RAVER1: variants seen among roughly 807,000 people sequenced by gnomAD.
RAVER1 encodes the protein ribonucleoprotein PTB-binding 1.
RAVER1 carries 36 observed loss-of-function variants against 68.4 expected under a neutral mutation model. That is an observed-to-expected ratio of 0.53 (90% CI 0.40 to 0.70). RAVER1 has a LOEUF of 0.70. Among genes scored for constraint, RAVER1 ranks in the 30% least tolerant of loss-of-function variants. RAVER1 has a pLI of 0.00. For synonymous variants in RAVER1, 469 were observed against 472.7 expected (o/e 0.99, Z 0.10); for missense variants, 933 against 1,019.8 (o/e 0.91, Z 1.16).
chr19:10,333,193 A>AC lies in RAVER1; in HGVS notation c.219+95dup, dbSNP rs1171605373. ...CGGTGCTTGGGCGCCCCCGCCAACG[A>AC]CCCCCGCGCACCTCAGCGTTGGTGT... On this transcript the variant is annotated intron_variant, in intron 1 of 12. Transcript: ENST00000617231. The surrounding 1 kb of genome is among the most constrained non-coding windows in gnomAD (Gnocchi z 4.2). 1 of 1,229,108 alleles carries AC rather than the reference A, an allele frequency of 8.1e-7. No homozygotes were observed. Among genetic ancestry groups the AC allele is most frequent in the Non-Finnish European group, 1.1e-6 (1 of 904,312 alleles). The allele number at this position is 1,229,108 out of a possible 1,614,324, so 76.1% of individuals were successfully genotyped here. A position where few individuals can be genotyped will look rare whatever the true frequency, so the allele number is the denominator to read the frequency against.
rs926928893 is a variant in RAVER1, at chr19:10,329,270, G to A, written c.287-159C>T. ...GCCTTGGCGACTCACACAGGCGAGA[G>A]CGCCTGCCATTGACTCTAGGCTCCA... On this transcript the variant is annotated intron_variant, in intron 2 of 12. Coordinates refer to ENST00000617231, the MANE Select transcript of RAVER1 (RefSeq NM_133452.3). The surrounding 1 kb of genome is among the most constrained non-coding windows in gnomAD (Gnocchi z 4.6). Among the ~76,000 whole-genome samples, 3 of 152,226 alleles carry A rather than the reference G, an allele frequency of 2.0e-5. No individual in the cohort carries two copies. Among genetic ancestry groups the A allele is most frequent in the Non-Finnish European group, 4.4e-5 (3 of 68,034 alleles).
Position 10,319,239 on chromosome 19 carries a change from T to C in RAVER1, c.1772A>G (p.Asp591Gly). Residue 591 changes from aspartate to glycine, a missense_variant and splice_region_variant, in exon 10 of 13, where the codon GAC becomes GGC. This residue lies in a region of RAVER1 where 699 missense variants were observed against 731.1 expected (regional missense o/e 0.96). Coordinates refer to ENST00000617231, the MANE Select transcript of RAVER1 (RefSeq NM_133452.3). Reference protein sequence around the residue: ...SDSYSFDYPSDMGPRRLFSHP... With the variant: ...SDSYSFDYPSGMGPRRLFSHP... ...GGAGAAGAGCCGCCGAGGTCCCATG[T>C]CCTGAATGAAAGCGGGAGAAGCACA... is the stretch of plus-strand genomic sequence containing the variant. The C allele has an allele frequency of 6.2e-7, 1 of 1,613,568 alleles. No homozygotes were observed. The highest frequency in any genetic ancestry group is 8.5e-7 in the Non-Finnish European group (1 of 1,179,562).
rs1057507164 is a variant in RAVER1 at position 10,328,193 on chromosome 19, C to G, written c.756+449G>C. On this transcript the variant is annotated intron_variant, in intron 3 of 12. Coordinates refer to ENST00000617231, the MANE Select transcript of RAVER1 (RefSeq NM_133452.3). This position sits in a 1 kb window ranked among gnomAD's most constrained non-coding sequence, Gnocchi z 4.4. ...AATGAGGAGGTGAGTGGTGAGCAAG[C>G]CTCGAGATCCATAGTTACAAGAGTG... 2.0e-5 allele frequency among the ~76,000 whole-genome samples: 3 copies of G among 152,086 alleles called. No homozygotes were observed. The highest frequency in any genetic ancestry group is 2.9e-5 in the Non-Finnish European group (2 of 68,010).
intron 1 of RAVER1, among the ~76,000 whole-genome samples, chr19:10,332,446 C>T (rs2040528261): frequency 6.6e-6 from 1 of 152,190 alleles, no homozygotes; most frequent in African/African-American, 2.4e-5. Context: ...CTTAATGATC[C>T]CTGTCCCGAT....
chr19:10,317,698 G>C lies in RAVER1; in HGVS notation c.2065C>G (p.Leu689Val), dbSNP rs1216282810. ...LSPGPNGHSH[L>V]LKTPLGGQKR... ...CCACCCCCTGCCCGTACCTTCAGCA[G>C]GTGGCTGTGACCATTAGGCCCGGGG... The change falls in exon 12 of 13, where the codon CTG becomes GTG. Residue 689 changes from leucine (L) to valine (V), a missense_variant. This residue lies in a region of RAVER1 where 699 missense variants were observed against 731.1 expected (regional missense o/e 0.96). Coordinates refer to ENST00000617231, the MANE Select transcript of RAVER1 (RefSeq NM_133452.3). The surrounding 1 kb of genome is among the most constrained non-coding windows in gnomAD (Gnocchi z 4.3). The C allele has an allele frequency of 6.3e-7, 1 of 1,588,026 alleles. No individual in the cohort carries two copies. The highest frequency in any genetic ancestry group is 1.7e-5 in the Admixed American group (1 of 57,152).
At chr19:10,327,981 C>G (rs1237010013) in intron 3 of RAVER1, among the ~76,000 whole-genome samples, 2 of 151,018 alleles carry the variant, frequency 1.3e-5, no homozygotes. Context: ...TGAGTCCCTG[C>G]TTATGGAGGA....
At chr19:10,324,108 C>G (rs796090764) in intron 3 of RAVER1, among the ~76,000 whole-genome samples, 2 of 150,268 alleles carry the variant, frequency 1.3e-5, no homozygotes, top group African/African-American at 2.4e-5. Flanking sequence ...GGGCCGAGAT[C>G]GCGCCACTGC....
chr19:10,316,395 T>A lies in RAVER1; in HGVS notation c.*1059A>T, dbSNP rs969404676. ...GTCACCTCAGGTCGACAGGTCCTGC[T>A]GGTGGGCGGGCCCAGAGTTTATCTT... On this transcript the variant is annotated 3_prime_UTR_variant, in exon 13 of 13. Transcript: ENST00000617231. 9.6e-6 allele frequency: 10 copies of A among 1,043,726 alleles called. No individual in the cohort carries two copies. The East Asian group carries it at 1.0e-3, about 105-fold the overall frequency. The allele number at this position is 1,043,726 out of a possible 1,614,324, so 64.7% of individuals were successfully genotyped here.
chr19:10,319,067 C>T, intron 10 of RAVER1, 99 bp downstream of exon 10: 1 of 1,161,692 alleles, frequency 8.6e-7, no homozygotes, highest in Non-Finnish European at 1.2e-6. Flanking sequence ...AAAGAACACA[C>T]AAAATACAAG....
chr19:10,322,586 G>A lies in RAVER1; in HGVS notation c.1173+59C>T, dbSNP rs558162402. 1.1e-5 allele frequency: 13 copies of A among 1,227,382 alleles called. No homozygotes were observed. The highest frequency in any genetic ancestry group is 1.5e-5 in the Non-Finnish European group (13 of 892,026). The allele number at this position is 1,227,382 out of a possible 1,614,324, so 76.0% of individuals were successfully genotyped here. On this transcript the variant is annotated intron_variant, in intron 6 of 12. Coordinates refer to ENST00000617231, the MANE Select transcript of RAVER1 (RefSeq NM_133452.3). The surrounding 1 kb of genome is among the most constrained non-coding windows in gnomAD (Gnocchi z 4.3). ...CCCCACCCCACCGATCGCACCAGCTGTGTTGAAAAGAGCCTGTAGGGGCTG... is the reference window on the plus strand; with the variant it reads ...CCCCACCCCACCGATCGCACCAGCTATGTTGAAAAGAGCCTGTAGGGGCTG...
rs879324791 is a variant in RAVER1, at chr19:10,322,109, ATATGTGTGTCTGTGTC to A, written c.1174-507_1174-492del. ...GTGTGCATGAGTCTGTCTTGTGTCT[ATATGTGTGTCTGTGTC>A]TATGTGTGTGTCTTTGTCTTATGTC... On this transcript the variant is annotated intron_variant, in intron 6 of 12. Transcript: ENST00000617231. This position sits in a 1 kb window ranked among gnomAD's most constrained non-coding sequence, Gnocchi z 4.3. 30 of 162,516 alleles carry A rather than the reference ATATGTGTGTCTGTGTC, an allele frequency of 1.8e-4. 1 individual carries two copies. The highest frequency in any genetic ancestry group is 3.2e-4 in the Non-Finnish European group (24 of 75,666). 10.1% of individuals were successfully genotyped at this position (162,516 alleles called of 1,614,324 possible).
intron 7 of RAVER1, 35 bp from the exon 8 acceptor site, chr19:10,321,294 TCA>T: frequency 9.1e-7 from 1 of 1,098,208 alleles, no homozygotes. Flanking sequence ...GGGCCCAGGC[TCA>T]CAGGACCCCT....
rs1232584103 is a variant in RAVER1 at position 10,329,260 on chromosome 19, A to C, written c.287-149T>G. 3 of 594,400 alleles carry C rather than the reference A, an allele frequency of 5.0e-6. No individual in the cohort carries two copies. Among genetic ancestry groups the C allele is most frequent in the Non-Finnish European group, 8.8e-6 (3 of 341,406 alleles). The allele number at this position is 594,400 out of a possible 1,614,324, so 36.8% of individuals were successfully genotyped here. On this transcript the variant is annotated intron_variant, in intron 2 of 12. Coordinates refer to ENST00000617231, the MANE Select transcript of RAVER1 (RefSeq NM_133452.3). The surrounding 1 kb of genome is among the most constrained non-coding windows in gnomAD (Gnocchi z 4.6). ...GCAGTTGCCAGCCTTGGCGACTCACACAGGCGAGAGCGCCTGCCATTGACT... is the reference window on the plus strand; with the variant it reads ...GCAGTTGCCAGCCTTGGCGACTCACCCAGGCGAGAGCGCCTGCCATTGACT...
At position 10,318,320 on chromosome 19, in the gene RAVER1, C is replaced by T; in HGVS notation, c.1898G>A (p.Gly633Glu). 6.2e-7 allele frequency: 1 copy of T among 1,602,118 alleles called. No homozygotes were observed. Among genetic ancestry groups the T allele is most frequent in the South Asian group, 1.1e-5 (1 of 89,710 alleles). Residue 633 changes from glycine to glutamate, a missense_variant, in exon 11 of 13, where the codon GGG (glycine) becomes GAG (glutamate). By Grantham distance (98) the Gly-to-Glu change is moderately conservative. Around this residue, in one of 3 missense-constraint regions of RAVER1, gnomAD observed 699 missense variants for 731.1 expected, o/e 0.96. Transcript: ENST00000617231. ...TGAATAGAAGTGAGACAGGGGGCCC[C>T]CGCCACTCCCACCGCTGCTCCGTTC... Reference protein sequence around the residue: ...FGERSSGGSGGGPLSHFYSGS... With the variant: ...FGERSSGGSGEGPLSHFYSGS...
In RAVER1 at chr19:10,323,019, C is replaced by T; in HGVS notation, c.1078+126G>A. The T allele has an allele frequency of 3.7e-6, 3 of 816,298 alleles. No individual in the cohort carries two copies. Among genetic ancestry groups the T allele is most frequent in the South Asian group, 1.9e-5 (1 of 52,220 alleles). 50.6% of individuals were successfully genotyped at this position (816,298 alleles called of 1,614,324 possible). On this transcript the variant is annotated intron_variant, in intron 5 of 12. Coordinates refer to ENST00000617231, the MANE Select transcript of RAVER1 (RefSeq NM_133452.3). The surrounding 1 kb of genome is among the most constrained non-coding windows in gnomAD (Gnocchi z 6.2). ...CAGCAGCCCCCGCTATGACTCCATA[C>T]TCCCCCTCGGCCCTACTCCTGGGGC...
Position 10,318,244 on chromosome 19 carries a change from C to T in RAVER1, c.1974G>A (p.Gln658=). The T allele has an allele frequency of 6.2e-7, 1 of 1,605,744 alleles. No homozygotes were observed. The highest frequency in any genetic ancestry group is 2.3e-5 in the East Asian group (1 of 44,262). ...FTSGLQAGLK[Q]SHLSKAIGSS... is the part of the protein sequence containing the mutation. ...GGTTCCTCACCTTACTGAGGTGGCTCTGCTTGAGGCCAGCCTGCAGGCCGC... is the reference window on the plus strand; with the variant it reads ...GGTTCCTCACCTTACTGAGGTGGCTTTGCTTGAGGCCAGCCTGCAGGCCGC... Residue 658 remains glutamine (Q), a synonymous_variant, in exon 11 of 13, where the codon CAG becomes CAA. Coordinates refer to ENST00000617231, the MANE Select transcript of RAVER1 (RefSeq NM_133452.3).
At chr19:10,318,823 T>A (rs1181288138) in intron 10 of RAVER1, among the ~76,000 whole-genome samples, 1 of 152,164 alleles carries the variant, frequency 6.6e-6, no homozygotes, top group Admixed American at 6.5e-5. Flanking sequence ...TGAGGCCACA[T>A]AGCTCACTGA....
In RAVER1 at chr19:10,328,967, G is replaced by A; in HGVS notation, c.431C>T (p.Thr144Ile). The A allele has an allele frequency of 6.2e-7, 1 of 1,600,960 alleles. No individual in the cohort carries two copies. The highest frequency in any genetic ancestry group is 8.5e-7 in the Non-Finnish European group (1 of 1,171,482). ...LCVANLPPSL[T>I]QQQFEELVRP... Reference sequence around the variant, plus strand: ...CACCAGCTCCTCGAACTGCTGCTGTGTGAGGCTGGGGGGCAGGTTGGCCAC... The same window carrying A: ...CACCAGCTCCTCGAACTGCTGCTGTATGAGGCTGGGGGGCAGGTTGGCCAC... The change falls in exon 3 of 13, where the codon ACA becomes ATA. Residue 144 changes from threonine to isoleucine, a missense_variant. This residue lies in a region of RAVER1 where 211 missense variants were observed against 230.0 expected (regional missense o/e 0.92). Transcript: ENST00000617231. This position sits in a 1 kb window ranked among gnomAD's most constrained non-coding sequence, Gnocchi z 4.4.
chr19:10,321,289 C>T, intron 7 of RAVER1, 30 bp from the exon 8 acceptor site: 2 of 1,127,538 alleles, frequency 1.8e-6, no homozygotes, highest in Non-Finnish European at 2.3e-6. Flanking sequence ...TTCAGGGGCC[C>T]AGGCTCACAG....
Sources: allele counts gnomAD v4.1 joint callset (sites outside exome capture counted in the v4.1 genomes callset), GRCh38; gene constraint gnomAD v4.1.1; regional missense constraint gnomAD v4.1.1; non-coding constraint Gnocchi (gnomAD v3.1); transcripts MANE v1.5; gene names NCBI Gene and HGNC (gene_info 2026-07-23, HGNC 2026-07-21).